DPP10: variants seen among roughly 807,000 people sequenced by gnomAD.
The protein encoded by DPP10 is inactive dipeptidyl peptidase 10.
Under a neutral mutation model 120.9 loss-of-function variants are expected in DPP10, and 33 were observed. The ratio of observed to expected loss-of-function variants is 0.27; its 90% CI spans 0.21 to 0.37. DPP10 has a LOEUF of 0.37. DPP10 is among the 10% of genes least tolerant of loss of function. DPP10 has a pLI of 1.00. For missense variants in DPP10, 816 were observed against 942.8 expected (o/e 0.87, Z 1.76); for synonymous variants, 337 against 326.1 (o/e 1.03, Z -0.36).
intron 5 of DPP10, among the ~76,000 whole-genome samples, chr2:115,591,733 A>T (rs1157921085): frequency 6.6e-6 from 1 of 152,118 alleles, no homozygotes; most frequent in Non-Finnish European, 1.5e-5. Context: ...TGAATCTATA[A>T]ATTATCTTGG....
chr2:114,956,066 ATT>A (rs758799795), intron 1 of DPP10, among the ~76,000 whole-genome samples: 2 of 152,086 alleles, frequency 1.3e-5, no homozygotes, highest in Non-Finnish European at 2.9e-5. Context: ...CACCACTTTT[ATT>A]CAACATAGTA....
At chr2:115,252,007 T>C (rs1389483405) in intron 1 of DPP10, among the ~76,000 whole-genome samples, 1 of 152,216 alleles carries the variant, frequency 6.6e-6, no homozygotes, top group Admixed American at 6.5e-5. Flanking sequence ...TAAAAAAGTT[T>C]CATGCCTATC....
intron 3 of DPP10, among the ~76,000 whole-genome samples, chr2:115,488,632 A>G (rs1286542648): frequency 1.2e-5 from 1 of 83,878 alleles, no homozygotes; most frequent in Non-Finnish European, 2.3e-5. Flanking sequence ...TCGCAAGAAC[A>G]AAAAACCAAA....
chr2:115,179,905 A>G (rs778603829), intron 1 of DPP10, among the ~76,000 whole-genome samples: 1 of 152,198 alleles, frequency 6.6e-6, no homozygotes, highest in Non-Finnish European at 1.5e-5. Flanking sequence ...TAGTTAAACT[A>G]TTCTTAACAA....
intron 1 of DPP10, among the ~76,000 whole-genome samples, chr2:114,532,288 T>TACAC (rs1300984853): frequency 1.9e-5 from 1 of 53,788 alleles, no homozygotes; most frequent in African/African-American, 6.0e-5. Flanking sequence ...TATATATATA[T>TACAC]ATATATATAC....
chr2:115,175,478 G>A (rs904424990), intron 1 of DPP10, among the ~76,000 whole-genome samples: 1 of 152,066 alleles, frequency 6.6e-6, no homozygotes, highest in Admixed American at 6.6e-5. Context: ...CTTGCACATG[G>A]GGCAAGCTAC....
intron 5 of DPP10, among the ~76,000 whole-genome samples, chr2:115,570,239 G>GT (rs899439279): frequency 6.6e-6 from 1 of 152,178 alleles, no homozygotes; most frequent in Non-Finnish European, 1.5e-5. Flanking sequence ...AATGCTTGAA[G>GT]TTTTAAGACT....
At chr2:115,510,727 A>C (rs2077179483) in intron 4 of DPP10, among the ~76,000 whole-genome samples, 1 of 152,160 alleles carries the variant, frequency 6.6e-6, no homozygotes, top group Non-Finnish European at 1.5e-5. Flanking sequence ...TATGTAGATC[A>C]ATTTGAAAAA....
intron 5 of DPP10, among the ~76,000 whole-genome samples, chr2:115,622,510 C>CT (rs70941082): frequency 9.4e-5 from 11 of 117,412 alleles, no homozygotes; most frequent in African/African-American, 3.4e-4. Context: ...ATTTTATTGT[C>CT]TTTTTTTTTT....
At chr2:114,722,171 G>A (rs895592555) in intron 1 of DPP10, among the ~76,000 whole-genome samples, 4 of 151,974 alleles carry the variant, frequency 2.6e-5, no homozygotes, top group African/African-American at 9.7e-5. Context: ...CCCTGAATAC[G>A]GAGAGGAGAA....
At chr2:114,856,463 G>A (rs1689375347) in intron 1 of DPP10, among the ~76,000 whole-genome samples, 1 of 152,142 alleles carries the variant, frequency 6.6e-6, no homozygotes, top group South Asian at 2.1e-4. Context: ...TGACAAGCAT[G>A]AGAATTTTGA....
At chr2:115,760,377 G>T (rs535003939) in intron 11 of DPP10, among the ~76,000 whole-genome samples, 1 of 152,314 alleles carries the variant, frequency 6.6e-6, no homozygotes, top group Non-Finnish European at 1.5e-5. Context: ...ACAGGCATAT[G>T]CTGTCTATGG....
chr2:115,443,786 C>T (rs1306473169), intron 3 of DPP10, among the ~76,000 whole-genome samples: 2 of 152,072 alleles, frequency 1.3e-5, no homozygotes, highest in East Asian at 1.9e-4. Flanking sequence ...GCTCATTGCT[C>T]AAGATTGAGA....
chr2:115,343,328 A>AATT (rs1422112138), intron 2 of DPP10, among the ~76,000 whole-genome samples: 16 of 152,104 alleles, frequency 1.1e-4, no homozygotes, highest in African/African-American at 3.9e-4. Context: ...TTTTTGGTGG[A>AATT]AGTAGGTAAT....
At chr2:114,673,103 A>T (rs544952210) in intron 1 of DPP10, among the ~76,000 whole-genome samples, 1 of 152,258 alleles carries the variant, frequency 6.6e-6, no homozygotes, top group African/African-American at 2.4e-5. Flanking sequence ...TAGATGTTAA[A>T]CATTCTCTTT....
chr2:114,838,269 G>C (rs527468336), intron 1 of DPP10, among the ~76,000 whole-genome samples: 1 of 152,282 alleles, frequency 6.6e-6, no homozygotes, highest in Admixed American at 6.5e-5. Context: ...AGATTCTATA[G>C]TGGCATTAGA....
chr2:115,200,566 T>C (rs986075980), intron 1 of DPP10, among the ~76,000 whole-genome samples: 12 of 152,210 alleles, frequency 7.9e-5, no homozygotes, highest in African/African-American at 2.9e-4. Context: ...TTTATAAGAA[T>C]AGTATTTCCC....
chr2:115,418,014 A>G (rs527434859), intron 3 of DPP10, among the ~76,000 whole-genome samples: 10 of 152,198 alleles, frequency 6.6e-5, no homozygotes, highest in Non-Finnish European at 1.5e-4. Context: ...GTTAAGCTAA[A>G]TATATCTTAC....
At chr2:115,198,330 C>T (rs1472729290) in intron 1 of DPP10, among the ~76,000 whole-genome samples, 2 of 152,154 alleles carry the variant, frequency 1.3e-5, no homozygotes, top group African/African-American at 4.8e-5. Flanking sequence ...ACTAATACCA[C>T]TCAGCTTTAT....
Sources: gnomAD v4.1 joint callset for allele counts (sites outside exome capture counted in the v4.1 genomes callset) on GRCh38, gnomAD v4.1.1 for gene constraint, MANE v1.5 for transcripts, NCBI Gene and HGNC (gene_info 2026-07-23, HGNC 2026-07-21) for gene names.